Variants in TNRC6B observed in about 807,000 individuals in gnomAD.
TNRC6B encodes trinucleotide repeat containing adaptor 6B, also known as trinucleotide repeat-containing gene 6B protein.
In TNRC6B, 52 loss-of-function variants were observed where a neutral mutation model predicts 203.6. The observed-to-expected ratio is 0.26, with a 90% CI of 0.20 to 0.32. TNRC6B has a LOEUF of 0.32. Ranked by LOEUF, TNRC6B falls within the 10% of genes least tolerant of loss-of-function variation. TNRC6B has a pLI of 1.00. For synonymous variants in TNRC6B, 838 were observed against 845.7 expected, an observed-to-expected ratio of 0.99 and a Z score of 0.16; for missense variants, 1,923 against 2,286.2, an observed-to-expected ratio of 0.84 and a Z score of 3.24.
intron 1 of TNRC6B, among the ~76,000 whole-genome samples, chr22:40,085,874 GTTGT>G (rs1432545794): frequency 3.3e-5 from 5 of 151,862 alleles, no homozygotes; most frequent in African/African-American, 1.2e-4. Context: ...TGTTGTTGTT[GTTGT>G]TGTTGTTGTT....
intron 4 of TNRC6B, among the ~76,000 whole-genome samples, chr22:40,157,328 T>C (rs1274055140): frequency 6.6e-6 from 1 of 152,160 alleles, no homozygotes; most frequent in Non-Finnish European, 1.5e-5. Context: ...CAAAAATCTA[T>C]ACAGAGAAAC....
intron 2 of TNRC6B, among the ~76,000 whole-genome samples, chr22:40,124,467 C>G (rs1296838884): frequency 6.6e-6 from 1 of 151,954 alleles, no homozygotes; most frequent in African/African-American, 2.4e-5. Flanking sequence ...GGCCCACATA[C>G]ATGTGTCACC....
At chr22:40,124,222 G>A (rs972900815) in intron 2 of TNRC6B, among the ~76,000 whole-genome samples, 3 of 151,894 alleles carry the variant, frequency 2.0e-5, no homozygotes, top group African/African-American at 7.3e-5. Context: ...GTCTTGGCTG[G>A]TTATAGAGAA....
chr22:40,211,975 A>G (rs139018230), intron 1 of TNRC6B, among the ~76,000 whole-genome samples: 6 of 152,142 alleles, frequency 3.9e-5, no homozygotes, highest in African/African-American at 7.2e-5. Context: ...TCTTATTTCA[A>G]ATGTTCGCTT....
chr22:40,304,986 TA>T (rs1465802807), intron 15 of TNRC6B, among the ~76,000 whole-genome samples: 1 of 152,126 alleles, frequency 6.6e-6, no homozygotes, highest in African/African-American at 2.4e-5. Context: ...TTTTTTAATG[TA>T]TAGCAAAAAG....
chr22:40,276,700 CTG>C (rs2070649766), intron 7 of TNRC6B: 1 of 158,886 alleles, frequency 6.3e-6, no homozygotes, highest in South Asian at 2.0e-4. Flanking sequence ...TGACATCAAA[CTG>C]TTTTCTCCTA....
intron 1 of TNRC6B, among the ~76,000 whole-genome samples, chr22:40,111,213 G>A (rs909639807): frequency 2.6e-5 from 4 of 152,182 alleles, no homozygotes; most frequent in African/African-American, 7.2e-5. Context: ...CACGTTCAAC[G>A]GCACGCGAAA....
At chr22:40,148,578 G>A (rs1224675025) in intron 3 of TNRC6B, among the ~76,000 whole-genome samples, 1 of 149,326 alleles carries the variant, frequency 6.7e-6, no homozygotes, top group Non-Finnish European at 1.5e-5. Context: ...CCACCGCGCC[G>A]GGCCAGAAAA....
At chr22:40,203,086 A>G (rs530730975) in intron 1 of TNRC6B, among the ~76,000 whole-genome samples, 1 of 152,248 alleles carries the variant, frequency 6.6e-6, no homozygotes, top group South Asian at 2.1e-4. Context: ...AATGCTGGCC[A>G]CTGATCATCA....
chr22:40,151,258 G>A (rs1240237633), intron 3 of TNRC6B, among the ~76,000 whole-genome samples: 11 of 152,088 alleles, frequency 7.2e-5, no homozygotes, highest in Admixed American at 2.6e-4. Context: ...GCAACAGAGT[G>A]AGACTCTGTC....
At chr22:40,166,550 T>C (rs535564481) in intron 4 of TNRC6B, among the ~76,000 whole-genome samples, 4 of 152,102 alleles carry the variant, frequency 2.6e-5, no homozygotes, top group Non-Finnish European at 5.9e-5. Flanking sequence ...ATGTTTTTTG[T>C]TATTAAGTTC....
intron 6 of TNRC6B, among the ~76,000 whole-genome samples, chr22:40,272,647 T>C (rs1354732256): frequency 2.6e-5 from 4 of 152,216 alleles, no homozygotes; most frequent in African/African-American, 4.8e-5. Flanking sequence ...TAAGGACTTA[T>C]TCCAGTCTTC....
chr22:40,270,373 G>A (rs948346166), intron 6 of TNRC6B, 93 bp downstream of exon 6: 89 of 1,231,676 alleles, frequency 7.2e-5, no homozygotes, highest in Non-Finnish European at 8.3e-5. Context: ...AGGCTGGAGT[G>A]CAGTGGTGCA....
rs761401627 is a variant in TNRC6B, at chr22:40,334,621, T to C, written c.*11380T>C. 6.6e-6 allele frequency: 1 copy of C among 152,594 alleles called. No homozygotes were observed. Among genetic ancestry groups the C allele is most frequent in the African/African-American group, 2.4e-5 (1 of 41,434 alleles). The allele number at this position is 152,594 out of a possible 1,614,324, so 9.5% of individuals were successfully genotyped here. On this transcript the variant is annotated 3_prime_UTR_variant, in exon 23 of 23. Coordinates refer to ENST00000454349, the MANE Select transcript of TNRC6B (RefSeq NM_001162501.2). The stretch of plus-strand genomic sequence containing the variant: ...GATATAAATGCTGCTTTGGGTTCCA[T>C]AATCCTAGGGGGCTATGTTTACATA...
At chr22:40,077,034 AAAAAG>A (rs1340100977) in intron 1 of TNRC6B, among the ~76,000 whole-genome samples, 3 of 151,730 alleles carry the variant, frequency 2.0e-5, no homozygotes, top group African/African-American at 4.9e-5. Context: ...GAAAAAAAGA[AAAAAG>A]AAAAGGAAAG....
chr22:40,184,707 T>C (rs1200189394), intron 1 of TNRC6B, among the ~76,000 whole-genome samples: 3 of 152,272 alleles, frequency 2.0e-5, no homozygotes, highest in South Asian at 2.1e-4. Flanking sequence ...ATGAATGAGT[T>C]CCAGAGGCAT....
intron 2 of TNRC6B, among the ~76,000 whole-genome samples, chr22:40,122,791 A>G (rs1027682146): frequency 2.0e-5 from 3 of 152,200 alleles, no homozygotes; most frequent in Non-Finnish European, 2.9e-5. Flanking sequence ...ATCTCCATGT[A>G]CTTATTAAGT....
intron 1 of TNRC6B, among the ~76,000 whole-genome samples, chr22:40,182,250 A>AAAAAG (rs1012771718): frequency 1.3e-5 from 2 of 152,314 alleles, no homozygotes; most frequent in South Asian, 2.1e-4. Context: ...GTCTCAAAAA[A>AAAAAG]AAAAGAAAAG....
rs560542545 is a variant in TNRC6B, at chr22:40,326,382, A to G, written c.*3141A>G. 43 of 152,728 alleles carry G rather than the reference A, an allele frequency of 2.8e-4. No homozygotes were observed. The highest frequency in any genetic ancestry group is 2.6e-3 in the Admixed American group (39 of 15,286). 9.5% of individuals were successfully genotyped at this position (152,728 alleles called of 1,614,324 possible). ...GGATCACACATTTTAAAACACATAGAAATATTTTTTAAAAATTATCAATTT... is the reference window on the plus strand; with the variant it reads ...GGATCACACATTTTAAAACACATAGGAATATTTTTTAAAAATTATCAATTT... On this transcript the variant is annotated 3_prime_UTR_variant, in exon 23 of 23. Coordinates refer to ENST00000454349, the MANE Select transcript of TNRC6B (RefSeq NM_001162501.2).
Sources: gnomAD v4.1 joint callset for allele counts (sites outside exome capture counted in the v4.1 genomes callset) on GRCh38, gnomAD v4.1.1 for gene constraint, MANE v1.5 for transcripts, NCBI Gene and HGNC (gene_info 2026-07-23, HGNC 2026-07-21) for gene names.